The following CDH23 variants were observed in gnomAD, a reference collection of about 807,000 sequenced individuals.
The protein encoded by CDH23 is cadherin related 23.
In CDH23, 189 loss-of-function variants were observed where a neutral mutation model predicts 317.1. That is an observed-to-expected ratio of 0.60 (90% confidence interval 0.53 to 0.67). The LOEUF is 0.67. CDH23 is among the 30% of genes least tolerant of loss of function. CDH23 has a pLI of 0.00. For synonymous variants in CDH23, 1,839 were observed against 1,876.8 expected, an observed-to-expected ratio of 0.98 and a Z score of 0.52; for missense variants, 4,401 against 4,592.4, an observed-to-expected ratio of 0.96 and a Z score of 1.20.
At chr10:71,550,072 C>T (rs1458517363) in intron 6 of CDH23, among the ~76,000 whole-genome samples, 1 of 152,196 alleles carries the variant, frequency 6.6e-6, no homozygotes, top group Non-Finnish European at 1.5e-5. Flanking sequence ...TAAGGCAGAG[C>T]TGAGTCCCAA....
At chr10:71,517,247 A>C (rs950624529) in intron 6 of CDH23, among the ~76,000 whole-genome samples, 7 of 152,306 alleles carry the variant, frequency 4.6e-5, no homozygotes, top group Middle Eastern at 3.4e-3. Flanking sequence ...CCTAGCACTG[A>C]GCTGGCAAGG....
intron 22 of CDH23, 126 bp from the exon 23 acceptor site, chr10:71,701,896 C>T: frequency 3.9e-6 from 4 of 1,013,926 alleles, no homozygotes; most frequent in Non-Finnish European, 5.8e-6. Flanking sequence ...GGGATGCCCA[C>T]TTCCTGGGCC....
rs1842083670 is a variant in CDH23 at position 71,815,014 on chromosome 10, C to T, written c.9801C>T (p.Arg3267=). 6.2e-7 allele frequency: 1 copy of T among 1,612,264 alleles called. No individual in the cohort carries two copies. Among genetic ancestry groups the T allele is most frequent in the East Asian group, 2.2e-5 (1 of 44,872 alleles). ...GDHSPGQGSL[R]FRHKPPVELK... ...ACAGCCCAGGGCAGGGTAGCCTGCG[C>T]TTCCGCCACAAGCCACCAGTGGAGC... is the stretch of plus-strand genomic sequence containing the variant. Residue 3267 remains arginine, a synonymous_variant, in exon 70 of 70, where the codon CGC becomes CGT. Transcript: ENST00000224721.
chr10:71,762,580 G>A (rs959543570), intron 38 of CDH23, among the ~76,000 whole-genome samples: 9 of 152,240 alleles, frequency 5.9e-5, no homozygotes, highest in Non-Finnish European at 1.3e-4. Flanking sequence ...CTGCATTCCC[G>A]ACAGCAGAAC....
rs777000077 is a variant in CDH23, at chr10:71,740,964, C to G, written c.4617+14C>G. 1 of 1,613,768 alleles carries G rather than the reference C, an allele frequency of 6.2e-7. No individual in the cohort carries two copies. Among genetic ancestry groups the G allele is most frequent in the Non-Finnish European group, 8.5e-7 (1 of 1,179,770 alleles). The stretch of plus-strand genomic sequence containing the variant: ...AGTGTGAATGAGGTGAGGGCAGCCC[C>G]GGGGCCCATATAGCTGGACATACGG... On this transcript the variant is annotated intron_variant, in intron 37 of 69. Coordinates refer to ENST00000224721, the MANE Select transcript of CDH23 (RefSeq NM_022124.6).
At chr10:71,466,316 C>T (rs1472276954) in intron 3 of CDH23, among the ~76,000 whole-genome samples, 1 of 151,988 alleles carries the variant, frequency 6.6e-6, no homozygotes, top group Admixed American at 6.5e-5. Context: ...GAGTCCCTTC[C>T]CATGTATATG....
intron 34 of CDH23, chr10:71,737,738 AGCCGCAGTGGCCTGTG>A (rs1326035577): frequency 2.1e-6 from 1 of 470,300 alleles, no homozygotes; most frequent in South Asian, 1.5e-5. Flanking sequence ...CTGTGATTCC[AGCCGCAGTGGCCTGTG>A]GCCGTCCGTG....
At chr10:71,753,706 C>T (rs1429813836) in intron 38 of CDH23, 1 of 455,034 alleles carries the variant, frequency 2.2e-6, no homozygotes, top group African/African-American at 2.0e-5. Flanking sequence ...TCATGCAGCA[C>T]CCCATGTCCT....
At chr10:71,812,055 G>A in intron 66 of CDH23, 40 bp downstream of exon 66, 1 of 1,613,930 alleles carries the variant, frequency 6.2e-7, no homozygotes, top group South Asian at 1.1e-5. Context: ...CCTGCGGGGA[G>A]TCCTGCCAGG....
At chr10:71,625,263 C>T (rs185370179) in intron 11 of CDH23, among the ~76,000 whole-genome samples, 53 of 150,716 alleles carry the variant, frequency 3.5e-4, no homozygotes, top group African/African-American at 1.2e-3. Flanking sequence ...GCAGAGTGAA[C>T]GGGGACACAT....
At chr10:71,532,727 G>GTTTTTTTTTTTTTTTTTTTTTTTTTT (rs200038577) in intron 6 of CDH23, among the ~76,000 whole-genome samples, 1 of 93,930 alleles carries the variant, frequency 1.1e-5, no homozygotes, top group African/African-American at 3.7e-5. Context: ...TTTTTTTTTT[G>GTTTTTTTTTTTTTTTTTTTTTTTTTT]TTTTTTTTTT....
In CDH23 at chr10:71,493,123, G is replaced by A. The variant is rs148909205; in HGVS notation, c.146-16959G>A. On this transcript the variant is annotated intron_variant, in intron 3 of 69. Transcript: ENST00000224721. ...CAGCTCATTGCGTGGGGGAGTGGTG[G>A]GGTTGTTGGCAGGGGAATCCCAGAA... Among the ~76,000 whole-genome samples, 208 of 152,296 alleles carry A rather than the reference G, an allele frequency of 1.4e-3. 1 individual carries two copies. The highest frequency in any genetic ancestry group is 4.3e-3 in the African/African-American group (177 of 41,552).
chr10:71,710,744 G>T (rs1449372396), intron 27 of CDH23, among the ~76,000 whole-genome samples: 1 of 152,242 alleles, frequency 6.6e-6, no homozygotes, highest in Non-Finnish European at 1.5e-5. Flanking sequence ...TTCAGGCAGA[G>T]GCACCAGCCC....
At chr10:71,813,155 CGTGT>C in intron 68 of CDH23, 85 bp from the exon 69 acceptor site, 1 of 1,280,240 alleles carries the variant, frequency 7.8e-7, no homozygotes, top group South Asian at 1.3e-5. Context: ...ATCAGATGTC[CGTGT>C]ACCCCTTACT....
At chr10:71,794,721 T>A (rs1054657630) in intron 48 of CDH23, 1 of 152,272 alleles carries the variant, frequency 6.6e-6, no homozygotes, top group African/African-American at 2.4e-5. Flanking sequence ...GAAACCCTCA[T>A]GCACTGCTGT....
At chr10:71,530,353 G>A (rs1418390306) in intron 6 of CDH23, among the ~76,000 whole-genome samples, 1 of 152,136 alleles carries the variant, frequency 6.6e-6, no homozygotes, top group African/African-American at 2.4e-5. Context: ...TCACCCTGCC[G>A]GTGCCCACAG....
chr10:71,564,402 T>G (rs1857287038), intron 6 of CDH23, among the ~76,000 whole-genome samples: 1 of 152,252 alleles, frequency 6.6e-6, no homozygotes, highest in South Asian at 2.1e-4. Context: ...GAATGGCTCC[T>G]TGCCAGGCCC....
chr10:71,738,411 G>A, intron 34 of CDH23, 87 bp from the exon 35 acceptor site: 1 of 1,517,042 alleles, frequency 6.6e-7, no homozygotes. Flanking sequence ...TGGGGATCTG[G>A]TCCCTACTGG....
In CDH23 at chr10:71,799,643, G is replaced by A. The variant is rs78158757; in HGVS notation, c.7362+14G>A. ...AACCCCACCACGGTGAGCAGTGATG[G>A]AGGGCCTGGAATTTGGAAGTGGGAA... On this transcript the variant is annotated intron_variant, in intron 52 of 69. Transcript: ENST00000224721. 126 of 1,614,024 alleles carry A rather than the reference G, an allele frequency of 7.8e-5. No homozygotes were observed. The East Asian group carries it at 2.6e-3, about 33-fold the overall frequency.
Sources: gnomAD v4.1 joint callset for allele counts (sites outside exome capture counted in the v4.1 genomes callset) on GRCh38, gnomAD v4.1.1 for gene constraint, MANE v1.5 for transcripts, NCBI Gene and HGNC (gene_info 2026-07-23, HGNC 2026-07-21) for gene names.